The following MBP variants were observed in gnomAD, a reference collection of about 807,000 sequenced individuals.
MBP encodes the protein myelin basic protein, also known as Golli-MBP.
In MBP, 16 loss-of-function variants were observed where a neutral mutation model predicts 35.8. That is an observed-to-expected ratio of 0.45 (90% CI 0.30 to 0.68). The LOEUF is 0.68. MBP is among the 30% of genes least tolerant of loss of function. The pLI is 0.08. For synonymous variants in MBP, 143 were observed against 159.6 expected (o/e 0.90, Z 0.78); for missense variants, 380 against 404.7 (o/e 0.94, Z 0.52).
chr18:77,119,637 G>A (rs1229453148), intron 1 of MBP, among the ~76,000 whole-genome samples: 2 of 152,206 alleles, frequency 1.3e-5, no homozygotes, highest in African/African-American at 4.8e-5. Context: ...CTCCATGTGT[G>A]TCTGGAGAAG....
intron 3 of MBP, among the ~76,000 whole-genome samples, chr18:77,058,597 T>A (rs908290098): frequency 6.6e-6 from 1 of 152,180 alleles, no homozygotes; most frequent in African/African-American, 2.4e-5. Flanking sequence ...AACAGCACTT[T>A]AAGAAACGAA....
chr18:77,001,190 G>A (rs1970614205), intron 4 of MBP, among the ~76,000 whole-genome samples: 1 of 144,624 alleles, frequency 6.9e-6, no homozygotes, highest in African/African-American at 2.5e-5. Flanking sequence ...TAGGGTCCCC[G>A]CTCACTGTCC....
intron 1 of MBP, chr18:77,114,833 C>G (rs1456977920): frequency 6.6e-6 from 1 of 152,496 alleles, no homozygotes; most frequent in East Asian, 1.9e-4. Flanking sequence ...GCCGCCCAAC[C>G]CAGGGGCCGG....
At position 77,066,320 on chromosome 18, in the gene MBP, G is replaced by A. The variant is rs746849463; in HGVS notation, c.117C>T (p.Thr39=). ...KRNLGELSRT[T]SEDNEVFGEA... is the part of the protein sequence containing the mutation. ...TACCGAACACTTCGTTGTCCTCTGAGGTTGTCCGTGAAAGTTCACCCAGGT... is the reference window on the plus strand; with the variant it reads ...TACCGAACACTTCGTTGTCCTCTGAAGTTGTCCGTGAAAGTTCACCCAGGT... Residue 39 remains threonine, a synonymous_variant, in exon 3 of 9, where the codon ACC becomes ACT. Transcript: ENST00000355994. 3 of 1,614,106 alleles carry A rather than the reference G, an allele frequency of 1.9e-6. No individual in the cohort carries two copies. The highest frequency in any genetic ancestry group is 2.5e-6 in the Non-Finnish European group (3 of 1,179,962).
chr18:77,059,059 G>C (rs1145361), intron 3 of MBP, among the ~76,000 whole-genome samples: 36,652 of 151,966 alleles, frequency 0.24, 4,665 homozygotes, highest in East Asian at 0.35. Context: ...GCCAGCACGA[G>C]TTCGGGGAAA....
At chr18:77,031,993 C>T (rs78421632) in intron 3 of MBP, among the ~76,000 whole-genome samples, 1 of 152,214 alleles carries the variant, frequency 6.6e-6, no homozygotes, top group Non-Finnish European at 1.5e-5. Flanking sequence ...GCAACGACAA[C>T]AAGTGTGTTT....
intron 1 of MBP, among the ~76,000 whole-genome samples, chr18:77,122,954 A>T (rs1279807484): frequency 6.6e-6 from 1 of 152,246 alleles, no homozygotes; most frequent in Non-Finnish European, 1.5e-5. Flanking sequence ...AGCATTTTGT[A>T]TACATGGCAG....
chr18:77,063,477 C>T (rs1974068878), intron 3 of MBP, among the ~76,000 whole-genome samples: 1 of 152,196 alleles, frequency 6.6e-6, no homozygotes, highest in African/African-American at 2.4e-5. Context: ...AATCAGGCAT[C>T]AGCTGCAAAG....
At chr18:77,050,030 A>G (rs548483905) in intron 3 of MBP, among the ~76,000 whole-genome samples, 4 of 152,296 alleles carry the variant, frequency 2.6e-5, no homozygotes, top group African/African-American at 9.6e-5. Context: ...GTAACTATGG[A>G]AACAAGTGCT....
In MBP at chr18:76,980,173, A is replaced by T. The variant is rs1969098533; in HGVS notation, c.*254T>A. ...AAGACCCACGTGCGTCTGGGGGCAC[A>T]TTGCGGGGGAAGGAACGTGATCTTC... On this transcript the variant is annotated 3_prime_UTR_variant, in exon 9 of 9. Transcript: ENST00000355994. The T allele has an allele frequency of 1.6e-6, 1 of 637,214 alleles. No homozygotes were observed. The highest frequency in any genetic ancestry group is 1.8e-5 in the African/African-American group (1 of 54,994). 39.5% of individuals were successfully genotyped at this position (637,214 alleles called of 1,614,324 possible).
Position 77,107,955 on chromosome 18 carries a change from AAAGAC to A in MBP, c.-25-2674_-25-2670del, listed in dbSNP as rs372029581. The stretch of plus-strand genomic sequence containing the variant: ...AAAATTTATATACTAGCAGGAAAAG[AAAGAC>A]AAGAGGAACAAAACGACAACTTGAT... On this transcript the variant is annotated intron_variant, in intron 1 of 8. Transcript: ENST00000355994. Among the ~76,000 whole-genome samples, 190 of 152,348 alleles carry A rather than the reference AAAGAC, an allele frequency of 1.2e-3. 2 individuals carry two copies. The Middle Eastern group carries it at 0.024, about 19-fold the overall frequency.
At chr18:76,997,625 C>T (rs1286281633) in intron 4 of MBP, among the ~76,000 whole-genome samples, 1 of 152,172 alleles carries the variant, frequency 6.6e-6, no homozygotes, top group Non-Finnish European at 1.5e-5. Context: ...CGGTGTCAGG[C>T]TGGTGACGAC....
chr18:77,007,383 G>C (rs3794838), intron 4 of MBP, among the ~76,000 whole-genome samples: 2 of 152,154 alleles, frequency 1.3e-5, no homozygotes, highest in East Asian at 3.9e-4. Flanking sequence ...GGCACCCCTG[G>C]GGGCTCTCAG....
In MBP at chr18:77,128,521, C is replaced by CCACACACACACACACA. The variant is rs56770189; in HGVS notation, c.-26+4043_-26+4058dup. On this transcript the variant is annotated intron_variant, in intron 1 of 8. Coordinates refer to ENST00000355994, the MANE Select transcript of MBP (RefSeq NM_001025101.2). The stretch of plus-strand genomic sequence containing the variant: ...ACAGAGAACTAAGCGCACGTGCATA[C>CCACACACACACACACA]CACACACACACACACACACACACAC... Among the ~76,000 whole-genome samples, 28 of 147,734 alleles carry CCACACACACACACACA rather than the reference C, an allele frequency of 1.9e-4. 1 individual carries two copies. Among genetic ancestry groups the CCACACACACACACACA allele is most frequent in the South Asian group, 8.7e-4 (4 of 4,618 alleles).
chr18:77,026,309 T>G (rs1339179243), intron 3 of MBP, among the ~76,000 whole-genome samples: 1 of 152,268 alleles, frequency 6.6e-6, no homozygotes, highest in Non-Finnish European at 1.5e-5. Context: ...CTTCTGGGTT[T>G]GCAACTTTGT....
intron 4 of MBP, chr18:77,003,243 G>T (rs1046325358): frequency 2.6e-5 from 4 of 152,084 alleles, no homozygotes; most frequent in Non-Finnish European, 4.4e-5. Flanking sequence ...GTCCTATTTT[G>T]TCTATGTGAC....
At chr18:77,079,055 A>G (rs1053134553) in intron 2 of MBP, among the ~76,000 whole-genome samples, 7 of 152,234 alleles carry the variant, frequency 4.6e-5, no homozygotes, top group African/African-American at 1.7e-4. Context: ...AGGGCACATC[A>G]TCCCCAGCCC....
intron 3 of MBP, among the ~76,000 whole-genome samples, chr18:77,037,596 G>T (rs768388670): frequency 1.1e-4 from 17 of 152,250 alleles, no homozygotes; most frequent in Non-Finnish European, 2.4e-4. Context: ...CCAGAGTGGA[G>T]AGTTCCAACT....
chr18:77,002,006 G>T (rs546089625), intron 4 of MBP, among the ~76,000 whole-genome samples: 11 of 152,304 alleles, frequency 7.2e-5, no homozygotes, highest in Admixed American at 7.2e-4. Flanking sequence ...TATTAACACA[G>T]TACATTTTGT....
Sources: gnomAD v4.1 joint callset for allele counts (sites outside exome capture counted in the v4.1 genomes callset) on GRCh38, gnomAD v4.1.1 for gene constraint, MANE v1.5 for transcripts, NCBI Gene and HGNC (gene_info 2026-07-23, HGNC 2026-07-21) for gene names.